Variants in SLC75A1 observed in about 807,000 individuals in gnomAD.
The protein encoded by SLC75A1 is solute carrier family 75 member 1, also known as major facilitator superfamily domain containing 10.
the SLC75A1 span, chr4:2,931,971 A>C: frequency 6.2e-7 from 1 of 1,601,586 alleles, no homozygotes; most frequent in Non-Finnish European, 8.5e-7. Context: ...GAAGGCGACC[A>C]CAGCAGGGAA....
chr4:2,934,006 C>T, the SLC75A1 span: 1 of 1,423,782 alleles, frequency 7.0e-7, no homozygotes, highest in African/African-American at 1.4e-5. Flanking sequence ...CCTGGCATAC[C>T]CCCACACCCG....
chr4:2,933,301 G>A, the SLC75A1 span: 4 of 1,289,364 alleles, frequency 3.1e-6, no homozygotes, highest in South Asian at 5.2e-5. Context: ...CCGTCCTGAG[G>A]GTCCAGTCAT....
chr4:2,933,905 C>T, the SLC75A1 span: 1 of 1,568,372 alleles, frequency 6.4e-7, no homozygotes, highest in Non-Finnish European at 8.6e-7. Context: ...GTGCAGCCTC[C>T]ACCCCCTCCC....
chr4:2,932,460 C>T, the SLC75A1 span: 1 of 1,613,612 alleles, frequency 6.2e-7, no homozygotes, highest in East Asian at 2.2e-5. Context: ...CAGGGAGGCT[C>T]CGAGCATAGG....
chr4:2,931,174 C>T, the SLC75A1 span: 1 of 1,557,076 alleles, frequency 6.4e-7, no homozygotes, highest in South Asian at 1.2e-5. Flanking sequence ...CACAGTCAGG[C>T]ACCACTGCCC....
chr4:2,931,689 G>GCACCCGGGGCAGGGC, the SLC75A1 span: 60 of 1,597,728 alleles, frequency 3.8e-5, no homozygotes, highest in Middle Eastern at 6.6e-4. Context: ...TTAGTGCAGG[G>GCACCCGGGGCAGGGC]CACCCGGGGC....
the SLC75A1 span, chr4:2,930,758 G>A: frequency 2.0e-6 from 3 of 1,478,706 alleles, no homozygotes; most frequent in Non-Finnish European, 2.7e-6. Flanking sequence ...CTGGCGGGGG[G>A]TGGGGGTCAG....
chr4:2,932,625 G>A, the SLC75A1 span: 54 of 1,613,046 alleles, frequency 3.3e-5, no homozygotes, highest in Non-Finnish European at 4.2e-5. Flanking sequence ...GGCCAGAGGC[G>A]AGCCCAGGTC....
the SLC75A1 span, chr4:2,932,934 G>A: frequency 1.9e-6 from 2 of 1,064,892 alleles, no homozygotes; most frequent in South Asian, 1.7e-5. Context: ...TTGAAAGCCT[G>A]GCTCTGGAAC....
chr4:2,933,709 CCT>C, the SLC75A1 span: 3 of 1,599,524 alleles, frequency 1.9e-6, no homozygotes, highest in Non-Finnish European at 2.6e-6. Flanking sequence ...GTCTGATGGG[CCT>C]GGGGGGCAGG....
the SLC75A1 span, chr4:2,933,688 G>A: frequency 6.2e-7 from 1 of 1,612,582 alleles, no homozygotes. Flanking sequence ...ATCACGATAA[G>A]GGCTGGGGAG....
At chr4:2,933,134 C>T in the SLC75A1 span, 2 of 1,613,522 alleles carry the variant, frequency 1.2e-6, no homozygotes, top group Non-Finnish European at 1.7e-6. Flanking sequence ...CGGGCGCCTC[C>T]CCAAGCAGTC....
the SLC75A1 span, chr4:2,932,365 G>C: frequency 6.2e-7 from 1 of 1,613,144 alleles, no homozygotes; most frequent in East Asian, 2.2e-5. Context: ...TTCTCCAGGG[G>C]CAGCGTCTCT....
chr4:2,933,189 A>G, the SLC75A1 span: 21 of 1,613,598 alleles, frequency 1.3e-5, no homozygotes, highest in Non-Finnish European at 1.7e-5. Context: ...TGCAGGACAG[A>G]GAATGCCGAG....
the SLC75A1 span, chr4:2,934,252 G>T: frequency 3.0e-6 from 1 of 331,562 alleles, no homozygotes; most frequent in Non-Finnish European, 5.6e-6. Context: ...TCGTAACAGC[G>T]AGAGAAAACT....
the SLC75A1 span, chr4:2,934,308 T>TCCCGATCCCGATCCCAAC: frequency 4.9e-6 from 1 of 205,506 alleles, no homozygotes; most frequent in African/African-American, 2.6e-5. Flanking sequence ...CCGATCCCGA[T>TCCCGATCCCGATCCCAAC]CCCAACCCCA....
At chr4:2,932,799 A>G in the SLC75A1 span, 13 of 1,530,518 alleles carry the variant, frequency 8.5e-6, no homozygotes, top group Admixed American at 4.3e-5. Context: ...GCGGTCGCTT[A>G]AGGCCAGGAG....
chr4:2,931,781 G>T, the SLC75A1 span: 23 of 1,548,808 alleles, frequency 1.5e-5, no homozygotes. Flanking sequence ...AAGCAGGGGC[G>T]TTATTTCAGG....
At chr4:2,934,070 G>T in the SLC75A1 span, 1 of 880,302 alleles carries the variant, frequency 1.1e-6, no homozygotes, top group Non-Finnish European at 1.7e-6. Flanking sequence ...GCCTACGGAC[G>T]CAGGGGCCGT....
Sources: gnomAD v4.1 joint callset for allele counts on GRCh38, gnomAD v4.1.1 for gene constraint, MANE v1.5 for transcripts, NCBI Gene and HGNC (gene_info 2026-07-23, HGNC 2026-07-21) for gene names.